Variants in ATF7IP observed in about 807,000 individuals in gnomAD.
ATF7IP encodes activating transcription factor 7-interacting protein 1.
Under a neutral mutation model 106.4 loss-of-function variants are expected in ATF7IP, and 23 were observed. That is an observed-to-expected ratio of 0.22 (90% confidence interval 0.16 to 0.31). The LOEUF (loss-of-function observed/expected upper bound fraction) is 0.31, where lower values mean the gene tolerates loss of function less well. ATF7IP is among the 10% of genes least tolerant of loss of function. The pLI is 1.00. For missense variants in ATF7IP, 1,334 were observed against 1,524.3 expected (o/e 0.88, Z 2.08); for synonymous variants, 542 against 539.0 (o/e 1.01, Z -0.08).
At chr12:14,367,444 A>G (rs1044454324) in intron 1 of ATF7IP, 1 of 152,202 alleles carries the variant, frequency 6.6e-6, no homozygotes, top group Admixed American at 6.5e-5. Context: ...GTATATTTAG[A>G]GAGCAGTTGT....
At chr12:14,436,903 CAT>C (rs1004435425) in intron 4 of ATF7IP, among the ~76,000 whole-genome samples, 4 of 151,726 alleles carry the variant, frequency 2.6e-5, no homozygotes, top group Admixed American at 6.6e-5. Flanking sequence ...TTCCTTCTCA[CAT>C]TGAACTTTAT....
intron 1 of ATF7IP, among the ~76,000 whole-genome samples, chr12:14,393,064 A>G (rs1001486383): frequency 3.9e-5 from 6 of 152,188 alleles, no homozygotes; most frequent in Non-Finnish European, 8.8e-5. Flanking sequence ...CTTTTGATGA[A>G]TAATTCACTG....
In ATF7IP at chr12:14,488,814, TAAC is replaced by T. The variant is rs368865419; in HGVS notation, c.3281-7414_3281-7412del. On this transcript the variant is annotated intron_variant, in intron 13 of 14. Transcript: ENST00000261168. ...CAAGCCAAATACTATTACATAAAGT[TAAC>T]AATACTTAAATGTTGATAGGAAGTC... Among the ~76,000 whole-genome samples, 668 of 152,342 alleles carry T rather than the reference TAAC, an allele frequency of 4.4e-3. 4 individuals are homozygous for T. The highest frequency in any genetic ancestry group is 0.015 in the African/African-American group (642 of 41,584).
chr12:14,456,847 T>TATATTTCTTTAACCA, intron 7 of ATF7IP, among the ~76,000 whole-genome samples: 1 of 152,350 alleles, frequency 6.6e-6, no homozygotes, highest in South Asian at 2.1e-4. Context: ...TTGGTCACTA[T>TATATTTCTTTAACCA]ATATTTCTTT....
At chr12:14,376,898 C>T (rs977451671) in intron 1 of ATF7IP, among the ~76,000 whole-genome samples, 2 of 151,954 alleles carry the variant, frequency 1.3e-5, no homozygotes, top group East Asian at 1.9e-4. Flanking sequence ...TACACTCCAG[C>T]GTGGGTGACA....
chr12:14,400,202 T>C (rs1343645309), intron 1 of ATF7IP, among the ~76,000 whole-genome samples: 2 of 152,238 alleles, frequency 1.3e-5, no homozygotes, highest in Non-Finnish European at 2.9e-5. Context: ...TGAGGTACTT[T>C]TAACTAGTTT....
intron 5 of ATF7IP, among the ~76,000 whole-genome samples, chr12:14,441,487 C>CTTTTTT (rs36088397): frequency 8.5e-5 from 9 of 105,266 alleles, no homozygotes; most frequent in Non-Finnish European, 1.1e-4. Context: ...ATACCAAAGT[C>CTTTTTT]TTTTTTTTTT....
At chr12:14,414,680 T>G (rs1357537817) in intron 1 of ATF7IP, among the ~76,000 whole-genome samples, 1 of 152,112 alleles carries the variant, frequency 6.6e-6, no homozygotes, top group Non-Finnish European at 1.5e-5. Flanking sequence ...CCTAGAATAA[T>G]GAAAAAGTAT....
chr12:14,425,499 G>T, intron 2 of ATF7IP, 26 bp downstream of exon 2: 2 of 1,486,402 alleles, frequency 1.3e-6, no homozygotes, highest in South Asian at 2.9e-5. Context: ...AAATGTTAAA[G>T]ATTTTTTATT....
Position 14,425,366 on chromosome 12 carries a change from G to C in ATF7IP, c.1451G>C (p.Ser484Thr). ...GGTTCACCATCTAAACAAGAAAGTA[G>C]TGAGAGTTTGCCAAAAGAAGCCTTT... ...SFGSPSKQES[S>T]ESLPKEAFLV... Residue 484 changes from serine (S) to threonine (T), a missense_variant, in exon 2 of 15, where the codon AGT becomes ACT. Physicochemically the swap from Ser to Thr is moderately conservative, Grantham distance 58. Coordinates refer to ENST00000261168, the MANE Select transcript of ATF7IP (RefSeq NM_018179.5). The C allele has an allele frequency of 6.2e-7, 1 of 1,612,632 alleles. No individual in the cohort carries two copies. Among genetic ancestry groups the C allele is most frequent in the Non-Finnish European group, 8.5e-7 (1 of 1,179,646 alleles).
intron 1 of ATF7IP, among the ~76,000 whole-genome samples, chr12:14,366,861 CACTGT>C (rs1938320545): frequency 6.6e-6 from 1 of 152,020 alleles, no homozygotes; most frequent in African/African-American, 2.4e-5. Context: ...TTCTTTTAAA[CACTGT>C]ACTGTATGCA....
chr12:14,471,377 T>C (rs1269400262), intron 10 of ATF7IP, among the ~76,000 whole-genome samples: 1 of 152,194 alleles, frequency 6.6e-6, no homozygotes, highest in Non-Finnish European at 1.5e-5. Context: ...AGTGGTATGA[T>C]TGTGAATCGA....
chr12:14,486,631 C>T (rs1944625942), intron 13 of ATF7IP, among the ~76,000 whole-genome samples: 1 of 152,134 alleles, frequency 6.6e-6, no homozygotes, highest in Admixed American at 6.6e-5. Context: ...AGTTTCATCT[C>T]TAGGAACACT....
chr12:14,472,052 C>T (rs1260957596), intron 10 of ATF7IP, among the ~76,000 whole-genome samples: 2 of 152,010 alleles, frequency 1.3e-5, no homozygotes, highest in African/African-American at 4.8e-5. Context: ...AAGTATCTAT[C>T]CATATTTATT....
At chr12:14,444,860 T>C (rs1474237737) in intron 5 of ATF7IP, among the ~76,000 whole-genome samples, 1 of 152,146 alleles carries the variant, frequency 6.6e-6, no homozygotes, top group East Asian at 1.9e-4. Context: ...CAGCGGTGAC[T>C]ACTTTTAACC....
chr12:14,397,031 G>A (rs376383425), intron 1 of ATF7IP, among the ~76,000 whole-genome samples: 19 of 152,152 alleles, frequency 1.2e-4, no homozygotes, highest in South Asian at 1.2e-3. Context: ...ATGTGGTGGC[G>A]CACGCCTGTC....
chr12:14,368,487 T>G (rs1191684167), intron 1 of ATF7IP, among the ~76,000 whole-genome samples: 7 of 152,164 alleles, frequency 4.6e-5, no homozygotes, highest in Admixed American at 3.3e-4. Flanking sequence ...GTTTCCTGTT[T>G]TGCTTTTTGC....
intron 1 of ATF7IP, among the ~76,000 whole-genome samples, chr12:14,392,003 G>C (rs969575703): frequency 8.5e-5 from 13 of 152,210 alleles, no homozygotes; most frequent in African/African-American, 3.1e-4. Flanking sequence ...TTACAGGTGT[G>C]AGCCACCATG....
intron 13 of ATF7IP, among the ~76,000 whole-genome samples, chr12:14,490,268 T>G (rs1044311992): frequency 2.6e-5 from 4 of 152,330 alleles, no homozygotes; most frequent in South Asian, 2.1e-4. Flanking sequence ...TATCCTCCTC[T>G]GCTGAGGTTA....
Sources: allele counts gnomAD v4.1 joint callset (sites outside exome capture counted in the v4.1 genomes callset), GRCh38; gene constraint gnomAD v4.1.1; transcripts MANE v1.5; gene names NCBI Gene and HGNC (gene_info 2026-07-23, HGNC 2026-07-21).